Variants in PARD3B observed in about 807,000 individuals in gnomAD.
The protein encoded by PARD3B is partitioning defective 3 homolog B.
A neutral mutation model predicts 130.2 loss-of-function variants in PARD3B; 103 were observed. That is an observed-to-expected ratio of 0.79 (90% confidence interval 0.67 to 0.93). The LOEUF (loss-of-function observed/expected upper bound fraction) is 0.93, where lower values mean the gene tolerates loss of function less well. PARD3B is among the 40% of genes least tolerant of loss of function. PARD3B has a pLI of 0.00. For synonymous variants in PARD3B, 583 were observed against 553.2 expected, an observed-to-expected ratio of 1.05 and a Z score of -0.76; for missense variants, 1,609 against 1,499.2, an observed-to-expected ratio of 1.07 and a Z score of -1.21.
chr2:204,728,533 T>A (rs1222632961), intron 2 of PARD3B, among the ~76,000 whole-genome samples: 1 of 152,194 alleles, frequency 6.6e-6, no homozygotes, highest in Non-Finnish European at 1.5e-5. Context: ...TTTGTTGGAA[T>A]GAGATTGATC....
rs1553550422 is a variant in PARD3B at position 205,575,113 on chromosome 2, A to ACG, written c.3260+21713_3260+21714dup. Among the ~76,000 whole-genome samples the ACG allele has an allele frequency of 0.18, 22,570 of 126,274 alleles. 1,770 individuals carry two copies. The highest frequency in any genetic ancestry group is 0.23 in the South Asian group (896 of 3,882). The allele number at this position is 126,274 out of a possible 152,430, so 82.8% of individuals were successfully genotyped here. A position where few individuals can be genotyped will look rare whatever the true frequency, so the allele number is the denominator to read the frequency against. ...CACACACACACACACACACACACAC[A>ACG]CGCGTACACTATATATAAAAATATA... On this transcript the variant is annotated intron_variant, in intron 22 of 22. Transcript: ENST00000406610. This position sits in a 1 kb window ranked among gnomAD's most constrained non-coding sequence, Gnocchi z 4.6.
At chr2:204,955,904 A>G (rs1429131131) in intron 2 of PARD3B, among the ~76,000 whole-genome samples, 2 of 152,160 alleles carry the variant, frequency 1.3e-5, no homozygotes, top group Non-Finnish European at 2.9e-5. Flanking sequence ...GGGACACTGG[A>G]GGGCCTGGTG....
At chr2:204,868,538 A>G (rs1414762532) in intron 2 of PARD3B, among the ~76,000 whole-genome samples, 2 of 152,140 alleles carry the variant, frequency 1.3e-5, no homozygotes, top group South Asian at 2.1e-4. Flanking sequence ...GTCTTCCTCC[A>G]CTATCACCAG....
At chr2:204,812,217 A>T (rs1164916612) in intron 2 of PARD3B, among the ~76,000 whole-genome samples, 1 of 152,176 alleles carries the variant, frequency 6.6e-6, no homozygotes, top group East Asian at 1.9e-4. Context: ...GTATGTTTCT[A>T]ATCCATATTT....
chr2:205,313,042 G>A lies in PARD3B; in HGVS notation c.2630+11341G>A, dbSNP rs112894811. Among the ~76,000 whole-genome samples the A allele has an allele frequency of 4.2e-4, 64 of 152,262 alleles. 1 individual carries two copies. The highest frequency in any genetic ancestry group is 1.4e-3 in the African/African-American group (58 of 41,540). On this transcript the variant is annotated intron_variant, in intron 18 of 22. Transcript: ENST00000406610. ...GAGAGAAGAACTAGAACCATAATAT[G>A]GATAGATTGTGAACATGAGAATGTA...
chr2:204,739,319 A>G (rs777591578), intron 2 of PARD3B, among the ~76,000 whole-genome samples: 5 of 151,950 alleles, frequency 3.3e-5, no homozygotes, highest in East Asian at 1.9e-4. Flanking sequence ...CCATTTATCT[A>G]TGTATTGAAA....
intron 1 of PARD3B, among the ~76,000 whole-genome samples, chr2:204,622,145 A>G (rs2034324638): frequency 6.6e-6 from 1 of 152,178 alleles, no homozygotes; most frequent in African/African-American, 2.4e-5. Flanking sequence ...CTACCTTTCT[A>G]ATTAGATAGA....
intron 18 of PARD3B, among the ~76,000 whole-genome samples, chr2:205,384,426 C>G (rs2045589168): frequency 6.6e-6 from 1 of 152,044 alleles, no homozygotes; most frequent in African/African-American, 2.4e-5. Context: ...TGATGACACT[C>G]TAGTAAAATA....
chr2:204,615,122 T>C (rs2034064207), intron 1 of PARD3B, among the ~76,000 whole-genome samples: 1 of 152,198 alleles, frequency 6.6e-6, no homozygotes. Context: ...TTTAATATGT[T>C]ATTTTTCTTT....
At chr2:204,770,262 C>G (rs1179510408) in intron 2 of PARD3B, among the ~76,000 whole-genome samples, 3 of 109,500 alleles carry the variant, frequency 2.7e-5, no homozygotes, top group South Asian at 3.8e-4. Context: ...CGTTATGTAC[C>G]CAGTAGTCAT....
At chr2:205,467,442 A>C (rs1357873711) in intron 20 of PARD3B, among the ~76,000 whole-genome samples, 1 of 152,240 alleles carries the variant, frequency 6.6e-6, no homozygotes, top group Non-Finnish European at 1.5e-5. Flanking sequence ...TATCCAATAG[A>C]GATATAATAC....
At position 205,575,773 on chromosome 2, in the gene PARD3B, A is replaced by G. The variant is rs1170614370; in HGVS notation, c.3260+22370A>G. 6.6e-6 allele frequency among the ~76,000 whole-genome samples: 1 copy of G among 152,184 alleles called. No individual in the cohort carries two copies. Among genetic ancestry groups the G allele is most frequent in the Non-Finnish European group, 1.5e-5 (1 of 68,020 alleles). ...TGTGGCACAGTTGATTCATTCACTTACTAAAGGACATCTTGGTTGCCTCCA... is the reference window on the plus strand; with the variant it reads ...TGTGGCACAGTTGATTCATTCACTTGCTAAAGGACATCTTGGTTGCCTCCA... On this transcript the variant is annotated intron_variant, in intron 22 of 22. Transcript: ENST00000406610. The surrounding 1 kb of genome is among the most constrained non-coding windows in gnomAD (Gnocchi z 4.6).
At chr2:205,497,149 A>T (rs2049957976) in intron 20 of PARD3B, among the ~76,000 whole-genome samples, 1 of 151,714 alleles carries the variant, frequency 6.6e-6, no homozygotes, top group Admixed American at 6.6e-5. Flanking sequence ...ACTTTTTTTA[A>T]GTATAGTAAA....
intron 15 of PARD3B, among the ~76,000 whole-genome samples, chr2:205,217,245 T>G (rs2037963083): frequency 6.6e-6 from 1 of 152,206 alleles, no homozygotes; most frequent in Admixed American, 6.5e-5. Flanking sequence ...AGCCACCCAG[T>G]GTGTCTGTAA....
At chr2:205,410,769 T>G (rs2046568949) in intron 19 of PARD3B, among the ~76,000 whole-genome samples, 1 of 152,200 alleles carries the variant, frequency 6.6e-6, no homozygotes, top group South Asian at 2.1e-4. Flanking sequence ...TTTGAACATT[T>G]GTTATATCCT....
intron 1 of PARD3B, among the ~76,000 whole-genome samples, chr2:204,575,032 A>T (rs1281516436): frequency 1.1e-4 from 4 of 38,066 alleles, no homozygotes; most frequent in Non-Finnish European, 3.3e-4. Context: ...TACTTTGCTG[A>T]TGTTTTTTTT....
chr2:205,415,767 A>G (rs957756217), intron 19 of PARD3B, among the ~76,000 whole-genome samples: 1 of 152,168 alleles, frequency 6.6e-6, no homozygotes, highest in Admixed American at 6.6e-5. Context: ...AACTAATATG[A>G]TGTGTGAACC....
At chr2:204,860,399 C>A (rs2045135391) in intron 2 of PARD3B, among the ~76,000 whole-genome samples, 1 of 152,174 alleles carries the variant, frequency 6.6e-6, no homozygotes, top group African/African-American at 2.4e-5. Flanking sequence ...GGCAGCGTGG[C>A]CTGGACGCTG....
chr2:204,612,493 C>T (rs1293984248), intron 1 of PARD3B, among the ~76,000 whole-genome samples: 1 of 152,128 alleles, frequency 6.6e-6, no homozygotes, highest in Non-Finnish European at 1.5e-5. Flanking sequence ...TTTACAAATA[C>T]ATTTCTTTGA....
Sources: gnomAD v4.1 joint callset for allele counts (sites outside exome capture counted in the v4.1 genomes callset) on GRCh38, gnomAD v4.1.1 for gene constraint, Gnocchi (gnomAD v3.1) non-coding constraint, MANE v1.5 for transcripts, NCBI Gene and HGNC (gene_info 2026-07-23, HGNC 2026-07-21) for gene names.